BACH1: variants seen among roughly 807,000 people sequenced by gnomAD.
The protein encoded by BACH1 is transcription regulator protein BACH1.
Under a neutral mutation model 52.9 loss-of-function variants are expected in BACH1, and 35 were observed. That is an observed-to-expected ratio of 0.66 (90% CI 0.51 to 0.88). The LOEUF (loss-of-function observed/expected upper bound fraction) is 0.88, where lower values mean the gene tolerates loss of function less well. BACH1 is among the 40% of genes least tolerant of loss of function. The pLI is 0.00. For synonymous variants in BACH1, 321 were observed against 319.6 expected (o/e 1.00, Z -0.05); for missense variants, 808 against 872.6 (o/e 0.93, Z 0.93).
rs2089140465 is a variant in BACH1, at chr21:29,343,736, C to T, written c.*903C>T. 6.6e-6 allele frequency: 1 copy of T among 152,164 alleles called. No homozygotes were observed. Among genetic ancestry groups the T allele is most frequent in the African/African-American group, 2.4e-5 (1 of 41,442 alleles). 9.4% of individuals were successfully genotyped at this position (152,164 alleles called of 1,614,324 possible). Reference sequence around the variant, plus strand: ...AGCTGTTCATTTTTCCACCGTGGGTCACCAATGCCAGAAAACCAGACATCA... The same window carrying T: ...AGCTGTTCATTTTTCCACCGTGGGTTACCAATGCCAGAAAACCAGACATCA... On this transcript the variant is annotated 3_prime_UTR_variant, in exon 5 of 5. Transcript: ENST00000286800.
At position 29,342,470 on chromosome 21, in the gene BACH1, C is replaced by A. The variant is rs1173033560; in HGVS notation, c.1848C>A (p.Asn616Lys). ...ILSTLGETKQNLTGLCQKVCK... is the reference protein window; with the variant it reads ...ILSTLGETKQKLTGLCQKVCK... ...CAACTCTGGGTGAGACAAAGCAGAA[C>A]CTAACTGGACTTTGCCAGAAAGTTT... is the stretch of plus-strand genomic sequence containing the variant. The change falls in exon 5 of 5, where the codon AAC becomes AAA. Residue 616 changes from asparagine to lysine, a missense_variant. Physicochemically the swap from Asn to Lys is moderately conservative, Grantham distance 94 (BLOSUM62 0). Coordinates refer to ENST00000286800, the MANE Select transcript of BACH1 (RefSeq NM_001186.4). 6.2e-7 allele frequency: 1 copy of A among 1,614,174 alleles called. No individual in the cohort carries two copies. The highest frequency in any genetic ancestry group is 2.2e-5 in the East Asian group (1 of 44,892).
chr21:29,329,802 A>T, intron 4 of BACH1, 109 bp downstream of exon 4: 7 of 759,790 alleles, frequency 9.2e-6, no homozygotes, highest in Non-Finnish European at 1.4e-5. Flanking sequence ...TACTTATTTT[A>T]ATATGTATCA....
intron 1 of BACH1, among the ~76,000 whole-genome samples, chr21:29,316,450 A>G (rs1334546176): frequency 6.6e-6 from 1 of 152,236 alleles, no homozygotes; most frequent in African/African-American, 2.4e-5. Context: ...CAATAGTATT[A>G]TTTCTAAGAA....
At chr21:29,304,220 G>T (rs888742896) in intron 1 of BACH1, among the ~76,000 whole-genome samples, 1 of 151,446 alleles carries the variant, frequency 6.6e-6, no homozygotes, top group African/African-American at 2.4e-5. Context: ...CCGCCTCTTG[G>T]GTTCAAGCAA....
chr21:29,324,488 C>G (rs1240673940), intron 2 of BACH1, among the ~76,000 whole-genome samples: 1 of 151,440 alleles, frequency 6.6e-6, no homozygotes, highest in Non-Finnish European at 1.5e-5. Flanking sequence ...CTGAGATTAT[C>G]CAGCTTGTGT....
chr21:29,349,753 T>C (rs2089191661), downstream of BACH1, among the ~76,000 whole-genome samples: 1 of 152,214 alleles, frequency 6.6e-6, no homozygotes, highest in South Asian at 2.1e-4. Flanking sequence ...TACCGTGTTC[T>C]AAGAATATAA....
At chr21:29,330,117 A>C (rs1204042927) in intron 4 of BACH1, among the ~76,000 whole-genome samples, 1 of 152,216 alleles carries the variant, frequency 6.6e-6, no homozygotes, top group South Asian at 2.1e-4. Flanking sequence ...AATTGAAAAT[A>C]TTAATATCTA....
At chr21:29,338,007 C>T (rs752036328) in intron 4 of BACH1, among the ~76,000 whole-genome samples, 6 of 152,112 alleles carry the variant, frequency 3.9e-5, no homozygotes, top group Non-Finnish European at 5.9e-5. Context: ...CACATGTATA[C>T]ATATGTAACA....
intron 2 of BACH1, among the ~76,000 whole-genome samples, chr21:29,360,823 G>A (rs148074069): frequency 4.2e-5 from 6 of 144,248 alleles, no homozygotes; most frequent in Non-Finnish European, 7.5e-5. Flanking sequence ...CCAGACTGGG[G>A]CAACAGAGCA....
At chr21:29,314,807 T>C (rs1355283890) in intron 1 of BACH1, among the ~76,000 whole-genome samples, 2 of 152,176 alleles carry the variant, frequency 1.3e-5, no homozygotes, top group African/African-American at 4.8e-5. Context: ...CCAATAATAC[T>C]TAAGGATTTT....
chr21:29,314,881 T>C (rs576957139), intron 1 of BACH1, among the ~76,000 whole-genome samples: 5 of 152,324 alleles, frequency 3.3e-5, no homozygotes, highest in South Asian at 4.1e-4. Context: ...TAAACAGTTA[T>C]GATATTTAAG....
rs186564670 is a variant in BACH1 at position 29,319,208 on chromosome 21, T to C, written c.-60-2013T>C. Among the ~76,000 whole-genome samples, 11 of 152,292 alleles carry C rather than the reference T, an allele frequency of 7.2e-5. No individual in the cohort carries two copies. The East Asian group carries it at 2.1e-3, about 29-fold the overall frequency. ...TCTTGCCATTGATAGTTAACATCTT[T>C]AGGATAGTCTCTGGAGAGACTTAAA... On this transcript the variant is annotated intron_variant, in intron 1 of 4. Transcript: ENST00000286800.
At chr21:29,336,899 T>A (rs2089051934) in intron 4 of BACH1, among the ~76,000 whole-genome samples, 1 of 152,162 alleles carries the variant, frequency 6.6e-6, no homozygotes, top group Non-Finnish European at 1.5e-5. Context: ...CTCGAACACC[T>A]GACTTCAAGT....
intron 4 of BACH1, among the ~76,000 whole-genome samples, chr21:29,330,631 A>G (rs2088969758): frequency 6.6e-6 from 1 of 152,248 alleles, no homozygotes; most frequent in South Asian, 2.1e-4. Flanking sequence ...GGTAAAAGAT[A>G]GCAAGGAAAC....
intron 1 of BACH1, among the ~76,000 whole-genome samples, chr21:29,318,055 T>C: frequency 6.6e-6 from 1 of 152,154 alleles, no homozygotes. Flanking sequence ...TATGTGGGTC[T>C]TGAAATTGAG....
At position 29,309,445 on chromosome 21, in the gene BACH1, AC is replaced by A. The variant is rs2088695793; in HGVS notation, c.-61+10494del. Among the ~76,000 whole-genome samples the A allele has an allele frequency of 2.0e-5, 3 of 151,982 alleles. No homozygotes were observed. In the South Asian group the frequency reaches 6.2e-4, roughly 32 times the overall value. ...AGTTTTACCTATTCTTCCCCCACAT[AC>A]CACTTGAGTCATGTAACATGAATTG... On this transcript the variant is annotated intron_variant, in intron 1 of 4. Transcript: ENST00000286800.
At chr21:29,347,295 C>A (rs2089175109), downstream of BACH1, among the ~76,000 whole-genome samples, 1 of 152,102 alleles carries the variant, frequency 6.6e-6, no homozygotes, top group African/African-American at 2.4e-5. Context: ...CTTGGACGAC[C>A]CCAAAAGGGG....
chr21:29,352,965 A>G (rs1374914026), intron 2 of BACH1, among the ~76,000 whole-genome samples: 2 of 151,932 alleles, frequency 1.3e-5, no homozygotes, highest in African/African-American at 4.8e-5. Flanking sequence ...CACCCACCTC[A>G]GCCTCCCAAA....
chr21:29,309,312 G>T (rs1322773688), intron 1 of BACH1, among the ~76,000 whole-genome samples: 1 of 150,272 alleles, frequency 6.7e-6, no homozygotes, highest in Non-Finnish European at 1.5e-5. Flanking sequence ...GGGGAAATTT[G>T]TTGTTCCACA....
Sources: allele counts gnomAD v4.1 joint callset (sites outside exome capture counted in the v4.1 genomes callset), GRCh38; gene constraint gnomAD v4.1.1; transcripts MANE v1.5; gene names NCBI Gene and HGNC (gene_info 2026-07-23, HGNC 2026-07-21).